The following FGF13 variants were observed in gnomAD, a reference collection of about 807,000 sequenced individuals.
FGF13 encodes the protein fibroblast growth factor 13.
FGF13 carries 2 observed loss-of-function variants against 19.5 expected under a neutral mutation model. That is an observed-to-expected ratio of 0.10 (90% CI 0.04 to 0.32). The LOEUF is 0.32. FGF13 is among the 10% of genes least tolerant of loss of function. FGF13 has a pLI of 1.00. For missense variants in FGF13, 113 were observed against 192.7 expected, an observed-to-expected ratio of 0.59 and a Z score of 2.45; for synonymous variants, 72 against 76.9, an observed-to-expected ratio of 0.94 and a Z score of 0.33.
chrX:138,618,327 T>G lies in FGF13; in HGVS notation c.*14523A>C, dbSNP rs1175865824. 1 of 109,837 alleles carries G rather than the reference T, an allele frequency of 9.1e-6. No individual in the cohort carries two copies. Among genetic ancestry groups the G allele is most frequent in the Non-Finnish European group, 1.9e-5 (1 of 52,606 alleles). The allele number at this position is 109,837 out of a possible 1,213,427, so 9.1% of individuals were successfully genotyped here. ...TTTCTCCATTGGGTGAAAGGGAGAG[T>G]GTAGTAAATGAATGCCTGGCTTTCC... is the stretch of plus-strand genomic sequence containing the variant. On this transcript the variant is annotated 3_prime_UTR_variant, in exon 5 of 5. Transcript: ENST00000315930.
chrX:138,741,324 G>C (rs1161833041), upstream of FGF13, among the ~76,000 whole-genome samples: 1 of 111,963 alleles, frequency 8.9e-6, no homozygotes, highest in Non-Finnish European at 1.9e-5. Context: ...GGTCAGTGTA[G>C]TGGGGAAGGG....
rs1416675167 is a variant in FGF13 at position 138,738,618 on chromosome X, C to A, written c.28+624G>T. ...TGGTTCCATCAGCTATCTGCGGCAT[C>A]TGCCTTGCCGCCATGGAGGAACAGA... On this transcript the variant is annotated intron_variant, in intron 1 of 4. Transcript: ENST00000305414. 8.1e-5 allele frequency among the ~76,000 whole-genome samples: 9 copies of A among 111,683 alleles called. No individual in the cohort carries two copies. The Admixed American group carries it at 8.5e-4, about 11-fold the overall frequency.
intron 1 of FGF13, among the ~76,000 whole-genome samples, chrX:138,929,235 C>CTGTG (rs10622697): frequency 0.063 from 6,112 of 97,652 alleles, 181 homozygotes; most frequent in Middle Eastern, 0.13. Context: ...GAGGAAAACT[C>CTGTG]TGTGTGTGTG....
At chrX:139,097,354 T>A (rs1231512485) in intron 1 of FGF13, among the ~76,000 whole-genome samples, 5 of 111,230 alleles carry the variant, frequency 4.5e-5, no homozygotes, top group Non-Finnish European at 1.9e-5. Context: ...TTAAGGAAGT[T>A]TACTAATTTG....
At chrX:138,937,061 C>A (rs1193823430) in intron 1 of FGF13, among the ~76,000 whole-genome samples, 1 of 110,712 alleles carries the variant, frequency 9.0e-6, no homozygotes, top group Non-Finnish European at 1.9e-5. Context: ...CAGGCCCGGA[C>A]CCCCTTTCTT....
chrX:138,854,927 C>G (rs1034324331), downstream of FGF13, among the ~76,000 whole-genome samples: 1 of 110,536 alleles, frequency 9.0e-6, no homozygotes, highest in African/African-American at 3.3e-5. Context: ...CAGGGAGTAT[C>G]TCTTCAAAAT....
At position 138,968,460 on chromosome X, in the gene FGF13, T is replaced by C. The variant is rs188330862; in HGVS notation, c.-112-103810A>G. ...TCTTCTCCCCATCCCTCTCTCCTTT[T>C]TATTTCCTTTTTTCTGTCTTCCTCC... On this transcript the variant is annotated intron_variant, in intron 1 of 2. Coordinates refer to the FGF13 transcript ENST00000421460. Among the ~76,000 whole-genome samples, 3 of 111,898 alleles carry C rather than the reference T, an allele frequency of 2.7e-5. No individual in the cohort carries two copies. The East Asian group carries it at 8.4e-4, about 31-fold the overall frequency.
At chrX:138,937,319 TATA>T (rs2091736182) in intron 1 of FGF13, among the ~76,000 whole-genome samples, 1 of 111,636 alleles carries the variant, frequency 9.0e-6, no homozygotes, top group African/African-American at 3.3e-5. Context: ...CAATACAACT[TATA>T]ATAACACACA....
chrX:138,912,355 A>C (rs1226047697), intron 1 of FGF13, among the ~76,000 whole-genome samples: 4 of 111,723 alleles, frequency 3.6e-5, no homozygotes, highest in African/African-American at 1.3e-4. Context: ...GGAAACAGGG[A>C]AAGACTCAAC....
chrX:138,839,280 C>T (rs1482702220), intron 3 of FGF13, among the ~76,000 whole-genome samples: 2 of 110,573 alleles, frequency 1.8e-5, no homozygotes, highest in Non-Finnish European at 3.8e-5. Flanking sequence ...GAATGGTAAG[C>T]CAAATAAATC....
chrX:138,996,897 A>G (rs2092045702), intron 1 of FGF13, among the ~76,000 whole-genome samples: 1 of 112,026 alleles, frequency 8.9e-6, no homozygotes, highest in Non-Finnish European at 1.9e-5. Context: ...TACACCTCCC[A>G]GTAGGGGCCA....
chrX:138,936,996 C>T (rs1371519643), intron 1 of FGF13, among the ~76,000 whole-genome samples: 1 of 111,733 alleles, frequency 8.9e-6, no homozygotes, highest in Admixed American at 9.5e-5. Flanking sequence ...TATCTCCCTG[C>T]AGTGCCAGGC....
At chrX:139,147,875 G>A (rs1300799088) in intron 1 of FGF13, among the ~76,000 whole-genome samples, 1 of 99,120 alleles carries the variant, frequency 1.0e-5, no homozygotes. Context: ...TTTTTTTTTT[G>A]CCATTGAAGG....
chrX:138,864,056 T>A (rs1308129149), intron 2 of FGF13, among the ~76,000 whole-genome samples: 2 of 111,761 alleles, frequency 1.8e-5, no homozygotes, highest in Non-Finnish European at 3.8e-5. Flanking sequence ...TCCCCAAAGT[T>A]GTGACAACAA....
chrX:138,648,556 G>A (rs2089332072), intron 3 of FGF13, among the ~76,000 whole-genome samples: 1 of 111,817 alleles, frequency 8.9e-6, no homozygotes, highest in African/African-American at 3.3e-5. Context: ...TGTGGGTAGA[G>A]AGAGAATCAT....
intron 2 of FGF13, among the ~76,000 whole-genome samples, chrX:138,859,754 G>A (rs2091278770): frequency 8.9e-6 from 1 of 112,270 alleles, no homozygotes; most frequent in Admixed American, 9.4e-5. Context: ...CATGCTGACT[G>A]ATACAAGTGC....
chrX:138,635,897 G>C (rs1295625297), intron 3 of FGF13, among the ~76,000 whole-genome samples: 1 of 112,171 alleles, frequency 8.9e-6, no homozygotes, highest in Admixed American at 9.4e-5. Flanking sequence ...AGCTCTCTTT[G>C]TAATAGGTAA....
chrX:139,112,056 C>T (rs1445106672), intron 1 of FGF13, among the ~76,000 whole-genome samples: 2 of 111,561 alleles, frequency 1.8e-5, no homozygotes, highest in Non-Finnish European at 3.8e-5. Flanking sequence ...AAAACCAGGG[C>T]CATATTTATT....
chrX:138,849,786 A>G (rs2091210202), intron 3 of FGF13, among the ~76,000 whole-genome samples: 1 of 112,181 alleles, frequency 8.9e-6, no homozygotes, highest in Admixed American at 9.5e-5. Flanking sequence ...TGGCCTTGAA[A>G]GGGGAAGCAC....
Sources: allele counts gnomAD v4.1 joint callset (sites outside exome capture counted in the v4.1 genomes callset), GRCh38; gene constraint gnomAD v4.1.1; transcripts MANE v1.5; gene names NCBI Gene and HGNC (gene_info 2026-07-23, HGNC 2026-07-21).